Variants in RGS6 observed in about 807,000 individuals in gnomAD.
RGS6 encodes the protein regulator of G-protein signaling 6.
A neutral mutation model predicts 78.5 loss-of-function variants in RGS6; 30 were observed. That is an observed-to-expected ratio of 0.38 (90% CI 0.29 to 0.52). The LOEUF (loss-of-function observed/expected upper bound fraction) is 0.52. Among genes scored for constraint, RGS6 ranks in the 20% least tolerant of loss-of-function variants. RGS6 has a pLI of 0.85. For missense variants in RGS6, 495 were observed against 609.7 expected (o/e 0.81, Z 1.98); for synonymous variants, 206 against 206.0 (o/e 1.00, Z 0.00).
intron 2 of RGS6, among the ~76,000 whole-genome samples, chr14:72,075,814 G>A (rs1196986338): frequency 1.3e-5 from 2 of 152,114 alleles, no homozygotes; most frequent in East Asian, 1.9e-4. Flanking sequence ...CGTGACCTCC[G>A]GACGGCAGTG....
intron 2 of RGS6, among the ~76,000 whole-genome samples, chr14:72,229,565 C>T (rs1309982499): frequency 1.3e-5 from 2 of 152,134 alleles, no homozygotes; most frequent in South Asian, 2.1e-4. Flanking sequence ...CTGGCCACAG[C>T]TCTCCCCAGA....
chr14:72,380,967 A>G (rs1177218120), intron 3 of RGS6, among the ~76,000 whole-genome samples: 1 of 152,102 alleles, frequency 6.6e-6, no homozygotes, highest in Non-Finnish European at 1.5e-5. Flanking sequence ...GTATGAATAT[A>G]TAGGTATATG....
intron 2 of RGS6, among the ~76,000 whole-genome samples, chr14:72,191,702 A>T (rs1022199064): frequency 1.3e-5 from 2 of 152,210 alleles, no homozygotes; most frequent in South Asian, 4.1e-4. Flanking sequence ...AGCACATGGG[A>T]ATTATGGGAA....
chr14:72,577,151 G>A, the RGS6 span, among the ~76,000 whole-genome samples: 1 of 152,198 alleles, frequency 6.6e-6, no homozygotes, highest in South Asian at 2.1e-4. Flanking sequence ...CAACAATGGA[G>A]CCTGAATTGC....
intron 15 of RGS6, among the ~76,000 whole-genome samples, chr14:72,525,093 T>TAATGCTG (rs981176875): frequency 1.6e-4 from 24 of 152,328 alleles, no homozygotes; most frequent in African/African-American, 5.1e-4. Flanking sequence ...ATCACAAAGG[T>TAATGCTG]AATGCTGAAT....
chr14:72,311,664 A>T (rs1014111348), intron 2 of RGS6, among the ~76,000 whole-genome samples: 5 of 152,160 alleles, frequency 3.3e-5, no homozygotes, highest in Non-Finnish European at 7.4e-5. Flanking sequence ...CTTTGTTTCT[A>T]ATGATGATGA....
chr14:71,945,192 A>G (rs915523493), intron 1 of RGS6, among the ~76,000 whole-genome samples: 1 of 152,098 alleles, frequency 6.6e-6, no homozygotes, highest in Non-Finnish European at 1.5e-5. Context: ...ATTGCTCTTC[A>G]TTGTCTTACT....
At chr14:71,868,397 C>A in the RGS6 span, among the ~76,000 whole-genome samples, 41 of 152,288 alleles carry the variant, frequency 2.7e-4, no homozygotes, top group African/African-American at 9.4e-4. Flanking sequence ...AAGTATTAGA[C>A]AGAGCCCAGC....
At chr14:71,971,040 T>C (rs752109638) in intron 2 of RGS6, among the ~76,000 whole-genome samples, 7 of 152,176 alleles carry the variant, frequency 4.6e-5, no homozygotes, top group Non-Finnish European at 8.8e-5. Flanking sequence ...AAGTGGTTGA[T>C]ATGAAGCTAG....
intron 1 of RGS6, among the ~76,000 whole-genome samples, chr14:71,935,104 G>A (rs972304152): frequency 6.6e-6 from 1 of 151,974 alleles, no homozygotes; most frequent in Non-Finnish European, 1.5e-5. Flanking sequence ...CATCTTCTTT[G>A]TAACATATGG....
At chr14:72,322,045 A>C (rs1488251734) in intron 2 of RGS6, among the ~76,000 whole-genome samples, 1 of 152,056 alleles carries the variant, frequency 6.6e-6, no homozygotes, top group East Asian at 1.9e-4. Context: ...ACCACATTAC[A>C]TATCCTATGG....
chr14:72,138,349 AG>A (rs976908303), intron 2 of RGS6, among the ~76,000 whole-genome samples: 36 of 148,428 alleles, frequency 2.4e-4, no homozygotes, highest in African/African-American at 5.7e-4. Flanking sequence ...GAGCGCATTG[AG>A]GGGGAGGGTT....
intron 2 of RGS6, among the ~76,000 whole-genome samples, chr14:71,983,047 A>G (rs374256816): frequency 1.3e-5 from 2 of 152,216 alleles, no homozygotes; most frequent in African/African-American, 4.8e-5. Context: ...AACTTCCAGT[A>G]TATTTAAAAA....
chr14:72,502,126 C>A (rs906230303), intron 13 of RGS6, among the ~76,000 whole-genome samples: 3 of 152,192 alleles, frequency 2.0e-5, no homozygotes, highest in Non-Finnish European at 4.4e-5. Flanking sequence ...TGGCTTCCAC[C>A]TTGGTCATTT....
chr14:72,303,518 C>T (rs1199274749), intron 2 of RGS6, among the ~76,000 whole-genome samples: 1 of 152,142 alleles, frequency 6.6e-6, no homozygotes, highest in African/African-American at 2.4e-5. Context: ...CAAAAACAAA[C>T]AAACAAATGA....
chr14:72,263,328 G>C lies in RGS6; in HGVS notation c.85-88767G>C, dbSNP rs143920008. On this transcript the variant is annotated intron_variant, in intron 2 of 17. Transcript: ENST00000553525. The stretch of plus-strand genomic sequence containing the variant: ...CTTTTTGAAAGTCAACTGATGTCAT[G>C]TTGGCCTTTGCTGGTGTTTCTCTGC... 9.8e-3 allele frequency among the ~76,000 whole-genome samples: 1,488 copies of C among 152,266 alleles called. 21 individuals carry two copies. Among genetic ancestry groups the C allele is most frequent in the African/African-American group, 0.034 (1,431 of 41,544 alleles).
chr14:72,153,799 C>G (rs1598465604), intron 2 of RGS6, among the ~76,000 whole-genome samples: 1 of 152,094 alleles, frequency 6.6e-6, no homozygotes, highest in Non-Finnish European at 1.5e-5. Flanking sequence ...TCTGGGGAAA[C>G]AGAACAAAGG....
At chr14:72,130,681 C>T (rs1429152044) in intron 2 of RGS6, among the ~76,000 whole-genome samples, 4 of 152,208 alleles carry the variant, frequency 2.6e-5, no homozygotes, top group Admixed American at 2.6e-4. Flanking sequence ...CATCTTTAAT[C>T]TGTGACACTG....
At chr14:72,300,798 C>T (rs536459963) in intron 2 of RGS6, among the ~76,000 whole-genome samples, 1 of 152,260 alleles carries the variant, frequency 6.6e-6, no homozygotes, top group African/African-American at 2.4e-5. Flanking sequence ...GAAGTGTATA[C>T]CGTTTCTTTG....
Sources: gnomAD v4.1 joint callset for allele counts (sites outside exome capture counted in the v4.1 genomes callset) on GRCh38, gnomAD v4.1.1 for gene constraint, MANE v1.5 for transcripts, NCBI Gene and HGNC (gene_info 2026-07-23, HGNC 2026-07-21) for gene names.